CLTB: variants seen among roughly 807,000 people sequenced by gnomAD.
CLTB encodes clathrin, light chain (Lcb).
In CLTB, 10 loss-of-function variants were observed where a neutral mutation model predicts 30.5. That is an observed-to-expected ratio of 0.33 (90% CI 0.20 to 0.56). CLTB has a LOEUF of 0.56. Ranked by LOEUF, CLTB falls within the 20% of genes least tolerant of loss-of-function variation. The probability of loss-of-function intolerance (pLI) is 0.91; values close to 1 mark genes in which losing one functional copy is unlikely to be tolerated. For missense variants in CLTB, 261 were observed against 308.3 expected, an observed-to-expected ratio of 0.85 and a Z score of 1.15; for synonymous variants, 102 against 120.3, an observed-to-expected ratio of 0.85 and a Z score of 1.00.
At chr5:176,402,687 T>C (rs1221308642) in intron 2 of CLTB, among the ~76,000 whole-genome samples, 2 of 152,190 alleles carry the variant, frequency 1.3e-5, no homozygotes, top group East Asian at 1.9e-4. Context: ...AATTCATAGA[T>C]GTTCAGGCTT....
intron 2 of CLTB, among the ~76,000 whole-genome samples, chr5:176,408,516 A>G (rs565249857): frequency 6.6e-6 from 1 of 151,994 alleles, no homozygotes; most frequent in Admixed American, 6.5e-5. Flanking sequence ...AGCCTGGGCA[A>G]TAAGAGCAAA....
chr5:176,409,867 T>C (rs1757337673), intron 2 of CLTB, among the ~76,000 whole-genome samples: 1 of 152,202 alleles, frequency 6.6e-6, no homozygotes, highest in African/African-American at 2.4e-5. Flanking sequence ...TTGGGAAAAT[T>C]CTGGAAGTGG....
chr5:176,410,123 C>G, intron 2 of CLTB, 134 bp downstream of exon 2: 2 of 759,218 alleles, frequency 2.6e-6, no homozygotes, highest in Non-Finnish European at 4.3e-6. Flanking sequence ...AAACCTTTCT[C>G]TATGTTTCCA....
rs1253612915 is a variant in CLTB, at chr5:176,410,452, A to T, written c.188-149T>A. ...AACAGACATAATGGATATATATATA[A>T]CTTAGGCTCAATCCCACCCCTGACT... On this transcript the variant is annotated intron_variant, in intron 1 of 5. Coordinates refer to ENST00000310418, the MANE Select transcript of CLTB (RefSeq NM_007097.5). The T allele has an allele frequency of 1.5e-5, 9 of 620,332 alleles. 1 individual carries two copies. The Admixed American group carries it at 1.7e-4, about 12-fold the overall frequency. 38.4% of individuals were successfully genotyped at this position (620,332 alleles called of 1,614,324 possible).
At chr5:176,416,051 C>T in intron 1 of CLTB, 126 bp downstream of exon 1, 5 of 843,492 alleles carry the variant, frequency 5.9e-6, no homozygotes, top group Non-Finnish European at 6.8e-6. Flanking sequence ...GAAGATTCTT[C>T]CCCACGTCTC....
intron 3 of CLTB, 72 bp from the exon 4 acceptor site, chr5:176,397,790 G>A (rs1756617734): frequency 6.5e-7 from 1 of 1,535,668 alleles, no homozygotes; most frequent in Non-Finnish European, 9.0e-7. Context: ...CTCCTCCCCT[G>A]GCCCCTGCCA....
intron 3 of CLTB, 78 bp from the exon 4 acceptor site, chr5:176,397,796 TGCCAGGCAGCCACAGG>T: frequency 6.6e-7 from 1 of 1,514,742 alleles, no homozygotes; most frequent in Non-Finnish European, 9.2e-7. Flanking sequence ...CCCTGGCCCC[TGCCAGGCAGCCACAGG>T]GCCGCACCGG....
chr5:176,415,732 G>A (rs1284623559), intron 1 of CLTB, among the ~76,000 whole-genome samples: 1 of 152,188 alleles, frequency 6.6e-6, no homozygotes, highest in Non-Finnish European at 1.5e-5. Flanking sequence ...GGGAAGGTTA[G>A]TGAGTTCCTG....
At chr5:176,397,843 T>C (rs1451830141) in intron 3 of CLTB, 87 bp downstream of exon 3, 3 of 1,470,468 alleles carry the variant, frequency 2.0e-6, no homozygotes. Flanking sequence ...CATTAAGGCA[T>C]GCAGCATCCC....
chr5:176,404,411 G>A (rs1011744314), intron 2 of CLTB, among the ~76,000 whole-genome samples: 37 of 152,238 alleles, frequency 2.4e-4, no homozygotes, highest in African/African-American at 8.2e-4. Context: ...GCCCTTTGGG[G>A]CAGCGGAGCG....
At chr5:176,400,976 G>C (rs1756789872) in intron 2 of CLTB, among the ~76,000 whole-genome samples, 1 of 152,214 alleles carries the variant, frequency 6.6e-6, no homozygotes, top group South Asian at 2.1e-4. Flanking sequence ...GGGCAGGCCA[G>C]GGCAGGCCAG....
At chr5:176,408,799 C>T (rs1430746119) in intron 2 of CLTB, among the ~76,000 whole-genome samples, 1 of 152,156 alleles carries the variant, frequency 6.6e-6, no homozygotes, top group Non-Finnish European at 1.5e-5. Flanking sequence ...GGATTACAGG[C>T]GTAAGCCGCC....
chr5:176,394,035 G>A (rs1756377279), intron 5 of CLTB, among the ~76,000 whole-genome samples: 1 of 152,238 alleles, frequency 6.6e-6, no homozygotes, highest in Non-Finnish European at 1.5e-5. Context: ...CTCTAGGGAT[G>A]CTGGCTGTAT....
intron 5 of CLTB, among the ~76,000 whole-genome samples, chr5:176,395,342 T>C (rs1756467946): frequency 6.6e-6 from 1 of 152,164 alleles, no homozygotes; most frequent in South Asian, 2.1e-4. Context: ...GCCCTTATCA[T>C]AACACACTCC....
intron 1 of CLTB, among the ~76,000 whole-genome samples, chr5:176,413,605 C>T (rs949884898): frequency 1.3e-5 from 2 of 152,240 alleles, no homozygotes; most frequent in Admixed American, 1.3e-4. Context: ...GAGAAGGTGC[C>T]TCAGAGGTAC....
chr5:176,406,599 T>C (rs953224523), intron 2 of CLTB: 4 of 1,289,254 alleles, frequency 3.1e-6, no homozygotes, highest in Middle Eastern at 4.2e-4. Context: ...AGGGCCCTTC[T>C]GTCCCTGCCC....
chr5:176,402,671 T>TGAATGAATTCATAGATGTTCA (rs1247578869), intron 2 of CLTB, among the ~76,000 whole-genome samples: 9 of 152,242 alleles, frequency 5.9e-5, no homozygotes, highest in African/African-American at 1.9e-4. Flanking sequence ...TCAAGAATAC[T>TGAATGAATTCATAGATGTTCA]GAATGAATTC....
rs566881407 is a variant in CLTB, at chr5:176,415,127, C to T, written c.187+1050G>A. Among the ~76,000 whole-genome samples the T allele has an allele frequency of 8.5e-5, 13 of 152,254 alleles. No individual in the cohort carries two copies. In the East Asian group the frequency reaches 1.7e-3, roughly 20 times the overall value. ...ACAAAATCATTCTTGCTAGCCAGAACCAGGGCAGAAACATCATTGATAAAG... is the reference window on the plus strand; with the variant it reads ...ACAAAATCATTCTTGCTAGCCAGAATCAGGGCAGAAACATCATTGATAAAG... On this transcript the variant is annotated intron_variant, in intron 1 of 5. Coordinates refer to ENST00000310418, the MANE Select transcript of CLTB (RefSeq NM_007097.5).
At chr5:176,400,276 A>T (rs900605322) in intron 2 of CLTB, among the ~76,000 whole-genome samples, 1 of 152,236 alleles carries the variant, frequency 6.6e-6, no homozygotes, top group Non-Finnish European at 1.5e-5. Flanking sequence ...ATGATTTAAT[A>T]CTATAATATT....
Sources: allele counts gnomAD v4.1 joint callset (sites outside exome capture counted in the v4.1 genomes callset), GRCh38; gene constraint gnomAD v4.1.1; transcripts MANE v1.5; gene names NCBI Gene and HGNC (gene_info 2026-07-23, HGNC 2026-07-21).